Variants in PALLD observed in about 807,000 individuals in gnomAD.
The protein encoded by PALLD is palladin, cytoskeletal associated protein, also known as palladin.
In PALLD, 61 loss-of-function variants were observed where a neutral mutation model predicts 123.5. The observed-to-expected ratio is 0.49, with a 90% CI of 0.40 to 0.61. PALLD has a LOEUF of 0.61. Among genes scored for constraint, PALLD ranks in the 20% least tolerant of loss-of-function variants. PALLD has a pLI of 0.00. For synonymous variants in PALLD, 465 were observed against 496.4 expected (o/e 0.94, Z 0.84); for missense variants, 1,273 against 1,377.0 (o/e 0.92, Z 1.20).
At chr4:168,863,563 AG>A (rs1749811599) in intron 10 of PALLD, among the ~76,000 whole-genome samples, 1 of 152,190 alleles carries the variant, frequency 6.6e-6, no homozygotes, top group South Asian at 2.1e-4. Flanking sequence ...CCACTCTGTC[AG>A]TGTCTAGTGT....
At chr4:168,660,152 C>A (rs147245863) in intron 2 of PALLD, among the ~76,000 whole-genome samples, 285 of 152,286 alleles carry the variant, frequency 1.9e-3, no homozygotes, top group African/African-American at 6.6e-3. Context: ...GCCAGGATCA[C>A]AAGAGAAAGA....
In PALLD at chr4:168,927,094, T is replaced by C. The variant is rs936039092; in HGVS notation, c.*914T>C. 9.0e-6 allele frequency: 2 copies of C among 223,046 alleles called. No homozygotes were observed. The highest frequency in any genetic ancestry group is 6.6e-5 in the East Asian group (1 of 15,216). The allele number at this position is 223,046 out of a possible 1,614,324, so 13.8% of individuals were successfully genotyped here. A position where few individuals can be genotyped will look rare whatever the true frequency, so the allele number is the denominator to read the frequency against. On this transcript the variant is annotated 3_prime_UTR_variant, in exon 22 of 22. Coordinates refer to ENST00000505667, the MANE Select transcript of PALLD (RefSeq NM_001166108.2). Reference sequence around the variant, plus strand: ...AAGGCTAATTTAAATATAAATAATATAAAGTGCTCTGAATAAAGCAGAAAT... The same window carrying C: ...AAGGCTAATTTAAATATAAATAATACAAAGTGCTCTGAATAAAGCAGAAAT...
chr4:168,918,325 G>GAGAT (rs1553981956), intron 17 of PALLD, among the ~76,000 whole-genome samples: 142 of 149,556 alleles, frequency 9.5e-4, no homozygotes, highest in African/African-American at 3.3e-3. Flanking sequence ...GAAAATATGA[G>GAGAT]ATATATATAT....
intron 2 of PALLD, among the ~76,000 whole-genome samples, chr4:168,609,345 CAAAAAAAAAAAA>C (rs5863949): frequency 2.8e-5 from 2 of 71,600 alleles, no homozygotes; most frequent in Admixed American, 3.5e-4. Context: ...AAGCTGTTAC[CAAAAAAAAAAAA>C]AAAAAAAAAA....
chr4:168,796,126 T>A (rs1738464720), intron 10 of PALLD, among the ~76,000 whole-genome samples: 1 of 152,190 alleles, frequency 6.6e-6, no homozygotes, highest in Non-Finnish European at 1.5e-5. Context: ...TTTTGTGCAG[T>A]CAAATACTGG....
At chr4:168,633,707 C>T (rs1776058789) in intron 2 of PALLD, among the ~76,000 whole-genome samples, 1 of 152,252 alleles carries the variant, frequency 6.6e-6, no homozygotes, top group South Asian at 2.1e-4. Flanking sequence ...TAGACACATC[C>T]CTCTTGTCTC....
At chr4:168,840,558 C>A (rs766586496) in intron 10 of PALLD, among the ~76,000 whole-genome samples, 2 of 152,170 alleles carry the variant, frequency 1.3e-5, no homozygotes, top group East Asian at 1.9e-4. Flanking sequence ...GTGAAACGAC[C>A]AGAGGTGTGA....
chr4:168,785,058 C>CTTTTT lies in PALLD; in HGVS notation c.1964+73160_1964+73164dup, dbSNP rs746597278. 8.7e-4 allele frequency among the ~76,000 whole-genome samples: 74 copies of CTTTTT among 84,792 alleles called. 5 individuals are homozygous for CTTTTT. Among genetic ancestry groups the CTTTTT allele is most frequent in the East Asian group, 2.2e-3 (4 of 1,816 alleles). 55.6% of individuals were successfully genotyped at this position (84,792 alleles called of 152,430 possible). ...AGCCCCAGCTTTTTTCTCCCTTTTGCTTTTTTTTTTTTTTTTTTTTTTTTT... is the reference window on the plus strand; with the variant it reads ...AGCCCCAGCTTTTTTCTCCCTTTTGCTTTTTTTTTTTTTTTTTTTTTTTTTTTTTT... On this transcript the variant is annotated intron_variant, in intron 10 of 21. Transcript: ENST00000505667.
chr4:168,885,649 T>C (rs183608738), intron 10 of PALLD, among the ~76,000 whole-genome samples: 87 of 152,338 alleles, frequency 5.7e-4, no homozygotes, highest in Admixed American at 1.2e-3. Flanking sequence ...TGCAATGTAA[T>C]ATGTCATGGA....
chr4:168,754,954 C>CG (rs533651185), intron 10 of PALLD, among the ~76,000 whole-genome samples: 139 of 152,230 alleles, frequency 9.1e-4, no homozygotes, highest in Middle Eastern at 6.8e-3. Context: ...AAAGGGTGGC[C>CG]GGGCGCAGTG....
intron 4 of PALLD, among the ~76,000 whole-genome samples, chr4:168,681,783 A>G (rs1781577951): frequency 6.6e-6 from 1 of 151,998 alleles, no homozygotes; most frequent in African/African-American, 2.4e-5. Context: ...CTTGGACTCA[A>G]GCGATCCTCC....
intron 2 of PALLD, among the ~76,000 whole-genome samples, chr4:168,630,759 A>G (rs1775727115): frequency 6.6e-6 from 1 of 152,240 alleles, no homozygotes; most frequent in South Asian, 2.1e-4. Context: ...AATGACAAGC[A>G]GTTCTGGGAC....
chr4:168,662,284 A>G (rs1037985468), intron 2 of PALLD, among the ~76,000 whole-genome samples: 10 of 152,204 alleles, frequency 6.6e-5, no homozygotes, highest in Admixed American at 5.2e-4. Context: ...CATTCCACCC[A>G]CACTCCTCTC....
chr4:168,617,204 C>T (rs149082576), intron 2 of PALLD, among the ~76,000 whole-genome samples: 5 of 152,242 alleles, frequency 3.3e-5, no homozygotes, highest in East Asian at 1.9e-4. Context: ...TTCTTCTATA[C>T]GATAGAGAAA....
intron 2 of PALLD, among the ~76,000 whole-genome samples, chr4:168,548,036 A>G (rs556121509): frequency 8.5e-5 from 10 of 117,160 alleles, no homozygotes; most frequent in African/African-American, 2.1e-4. Flanking sequence ...CAAAGAGCAA[A>G]CAAACAAACA....
At chr4:168,895,406 A>G (rs931103429) in intron 12 of PALLD, among the ~76,000 whole-genome samples, 1 of 152,198 alleles carries the variant, frequency 6.6e-6, no homozygotes, top group Non-Finnish European at 1.5e-5. Context: ...CTAAAAACAC[A>G]TATACGACTT....
intron 10 of PALLD, among the ~76,000 whole-genome samples, chr4:168,813,569 C>G (rs1213893123): frequency 6.6e-6 from 1 of 152,060 alleles, no homozygotes; most frequent in Non-Finnish European, 1.5e-5. Flanking sequence ...GCAATCCCCC[C>G]ACCTCAGCCT....
At chr4:168,502,840 G>T (rs1242914451) in intron 1 of PALLD, among the ~76,000 whole-genome samples, 2 of 152,244 alleles carry the variant, frequency 1.3e-5, no homozygotes, top group Non-Finnish European at 2.9e-5. Flanking sequence ...GGAATTCAAG[G>T]CTACAGTGAG....
At chr4:168,870,970 C>A (rs548318407) in intron 10 of PALLD, among the ~76,000 whole-genome samples, 1 of 152,140 alleles carries the variant, frequency 6.6e-6, no homozygotes, top group Non-Finnish European at 1.5e-5. Context: ...TTGACTTCAA[C>A]AGATATTTAT....
Sources: allele counts gnomAD v4.1 joint callset (sites outside exome capture counted in the v4.1 genomes callset), GRCh38; gene constraint gnomAD v4.1.1; transcripts MANE v1.5; gene names NCBI Gene and HGNC (gene_info 2026-07-23, HGNC 2026-07-21).